The following TBXAS1 variants were observed in gnomAD, a reference collection of about 807,000 sequenced individuals.
The protein encoded by TBXAS1 is thromboxane-A synthase.
A neutral mutation model predicts 60.7 loss-of-function variants in TBXAS1; 48 were observed. The ratio of observed to expected loss-of-function variants is 0.79; its 90% CI spans 0.63 to 1.01. The LOEUF is 1.01. Among genes scored for constraint, TBXAS1 ranks in the 50% least tolerant of loss-of-function variants. The pLI is 0.00. For synonymous variants in TBXAS1, 287 were observed against 269.7 expected (o/e 1.06, Z -0.63); for missense variants, 685 against 686.3 (o/e 1.00, Z 0.02).
At chr7:139,969,077 G>A (rs140409474) in intron 9 of TBXAS1, among the ~76,000 whole-genome samples, 2 of 152,188 alleles carry the variant, frequency 1.3e-5, no homozygotes, top group East Asian at 3.9e-4. Flanking sequence ...CTTTGGTGCT[G>A]GACTCTGCCA....
rs115564421 is a variant in TBXAS1, at chr7:139,906,338, G to A, written c.237-4887G>A. 1,052 of 158,206 alleles carry A rather than the reference G, an allele frequency of 6.6e-3. 13 individuals carry two copies. Among genetic ancestry groups the A allele is most frequent in the African/African-American group, 0.024 (999 of 41,564 alleles). 9.8% of individuals were successfully genotyped at this position (158,206 alleles called of 1,614,324 possible). A position where few individuals can be genotyped will look rare whatever the true frequency, so the allele number is the denominator to read the frequency against. The stretch of plus-strand genomic sequence containing the variant: ...CCCAAAGTGCTGGAATTACAGGCGC[G>A]ATCCACTATGCCTGGCCTACTCTAG... On this transcript the variant is annotated intron_variant, in intron 3 of 12. Transcript: ENST00000448866.
At chr7:139,877,430 T>C (rs1456928399) in intron 3 of TBXAS1, among the ~76,000 whole-genome samples, 1 of 149,182 alleles carries the variant, frequency 6.7e-6, no homozygotes, top group Non-Finnish European at 1.5e-5. Flanking sequence ...TTGTTGTTGT[T>C]TGTTTGTTTT....
In TBXAS1 at chr7:139,967,040, A is replaced by G. The variant is rs192226161; in HGVS notation, c.1134+4807A>G. Among the ~76,000 whole-genome samples, 425 of 152,330 alleles carry G rather than the reference A, an allele frequency of 2.8e-3. 3 individuals carry two copies. The highest frequency in any genetic ancestry group is 9.6e-3 in the African/African-American group (401 of 41,570). On this transcript the variant is annotated intron_variant, in intron 9 of 12. Coordinates refer to ENST00000448866, the MANE Select transcript of TBXAS1 (RefSeq NM_001061.7). The stretch of plus-strand genomic sequence containing the variant: ...CTCCCAGGTCTGAAGTCCTCACTGC[A>G]TAATTCCCTGCCAGGGAGACAGGCT...
At chr7:139,838,731 G>A (rs144103865) in intron 1 of TBXAS1, among the ~76,000 whole-genome samples, 376 of 152,266 alleles carry the variant, frequency 2.5e-3, no homozygotes, top group Non-Finnish European at 4.2e-3. Flanking sequence ...CCGAAACCGC[G>A]TTGGACACCA....
intron 1 of TBXAS1, among the ~76,000 whole-genome samples, chr7:139,832,698 A>T (rs1484321282): frequency 6.6e-6 from 1 of 152,246 alleles, no homozygotes; most frequent in Non-Finnish European, 1.5e-5. Flanking sequence ...GAATCTTAAG[A>T]GTTGTGAGAC....
At chr7:139,865,676 AGG>A (rs1475141387) in intron 1 of TBXAS1, among the ~76,000 whole-genome samples, 1 of 126,908 alleles carries the variant, frequency 7.9e-6, no homozygotes, top group African/African-American at 2.9e-5. Flanking sequence ...GAGGAGGAGG[AGG>A]AAGAGGAGGA....
At position 139,986,724 on chromosome 7, in the gene TBXAS1, T is replaced by TATACATC. The variant is rs1434963081; in HGVS notation, c.1135-20364_1135-20363insCATCATA. Among the ~76,000 whole-genome samples the TATACATC allele has an allele frequency of 2.6e-4, 14 of 53,080 alleles. No homozygotes were observed. The Admixed American group carries it at 3.7e-3, about 14-fold the overall frequency. 34.8% of individuals were successfully genotyped at this position (53,080 alleles called of 152,430 possible). ...TTTATGGCTGAGTAGTATTCCATCATATATATATATATATACATACATATA... is the reference window on the plus strand; with the variant it reads ...TTTATGGCTGAGTAGTATTCCATCATATACATCATATATATATATATACATACATATA... On this transcript the variant is annotated intron_variant, in intron 9 of 12. Coordinates refer to ENST00000448866, the MANE Select transcript of TBXAS1 (RefSeq NM_001061.7).
chr7:139,914,554 C>T (rs1355276673), intron 4 of TBXAS1, among the ~76,000 whole-genome samples: 1 of 152,190 alleles, frequency 6.6e-6, no homozygotes, highest in Non-Finnish European at 1.5e-5. Context: ...TCCCTCTACA[C>T]AGTACTTGGC....
intron 4 of TBXAS1, among the ~76,000 whole-genome samples, chr7:139,927,860 A>G (rs907104096): frequency 6.6e-6 from 1 of 152,188 alleles, no homozygotes; most frequent in Non-Finnish European, 1.5e-5. Context: ...ATTTGTATCC[A>G]ACAATATTTT....
At chr7:139,838,153 G>T (rs564845772) in intron 1 of TBXAS1, among the ~76,000 whole-genome samples, 156 of 152,106 alleles carry the variant, frequency 1.0e-3, no homozygotes, top group Non-Finnish European at 1.9e-3. Flanking sequence ...TTTTATCCTG[G>T]GCTGGGGTCA....
intron 4 of TBXAS1, among the ~76,000 whole-genome samples, chr7:139,930,403 T>C (rs1807222225): frequency 6.6e-6 from 1 of 152,018 alleles, no homozygotes; most frequent in African/African-American, 2.4e-5. Flanking sequence ...GAGTGAAGCC[T>C]CACAACTATC....
chr7:139,828,104 C>T (rs1460970985), upstream of TBXAS1, among the ~76,000 whole-genome samples: 4 of 152,178 alleles, frequency 2.6e-5, no homozygotes, highest in South Asian at 8.3e-4. Context: ...TCTTCTTCCT[C>T]AGGAACACCA....
intron 4 of TBXAS1, among the ~76,000 whole-genome samples, chr7:139,815,945 G>T (rs1798135242): frequency 6.6e-6 from 1 of 152,170 alleles, no homozygotes; most frequent in African/African-American, 2.4e-5. Flanking sequence ...ATATGGTTTG[G>T]CTCTGTGTCC....
At chr7:139,971,214 G>A (rs1811167881) in intron 9 of TBXAS1, among the ~76,000 whole-genome samples, 1 of 152,120 alleles carries the variant, frequency 6.6e-6, no homozygotes, top group Admixed American at 6.6e-5. Context: ...GCAAAGGGAG[G>A]AAAAGTTGCA....
intron 9 of TBXAS1, among the ~76,000 whole-genome samples, chr7:139,996,457 C>A (rs1383016459): frequency 6.6e-6 from 1 of 152,164 alleles, no homozygotes; most frequent in Non-Finnish European, 1.5e-5. Context: ...GATACCATCT[C>A]CCCACTTCTA....
intron 4 of TBXAS1, among the ~76,000 whole-genome samples, chr7:139,800,363 C>G (rs1436875503): frequency 2.0e-5 from 3 of 152,110 alleles, no homozygotes; most frequent in African/African-American, 7.2e-5. Context: ...GATCTCAGCA[C>G]GTTTCCACCT....
chr7:139,977,405 C>T (rs575324008), intron 9 of TBXAS1, among the ~76,000 whole-genome samples: 5 of 152,254 alleles, frequency 3.3e-5, no homozygotes, highest in African/African-American at 7.2e-5. Flanking sequence ...GAGAACAGCA[C>T]GGGAAAGACT....
At chr7:139,857,449 G>T (rs114385396) in intron 1 of TBXAS1, among the ~76,000 whole-genome samples, 5,552 of 152,094 alleles carry the variant, frequency 0.037, 310 homozygotes, top group African/African-American at 0.13. Flanking sequence ...GAGGAACTTT[G>T]TCTGGTTAAA....
intron 4 of TBXAS1, among the ~76,000 whole-genome samples, chr7:139,912,777 G>T (rs1026922741): frequency 6.6e-6 from 1 of 152,154 alleles, no homozygotes; most frequent in Non-Finnish European, 1.5e-5. Context: ...TCCGAACTAG[G>T]TGAGCCATCC....
Sources: allele counts gnomAD v4.1 joint callset (sites outside exome capture counted in the v4.1 genomes callset), GRCh38; gene constraint gnomAD v4.1.1; transcripts MANE v1.5; gene names NCBI Gene and HGNC (gene_info 2026-07-23, HGNC 2026-07-21).